The following RPS6KC1 variants were observed in gnomAD, a reference collection of about 807,000 sequenced individuals.
RPS6KC1 encodes ribosomal protein S6 kinase C1, also known as inactive ribosomal protein S6 kinase delta-1.
RPS6KC1 carries 54 observed loss-of-function variants against 103.8 expected under a neutral mutation model. The ratio of observed to expected loss-of-function variants is 0.52; its 90% CI spans 0.42 to 0.65. RPS6KC1 has a LOEUF of 0.65. Among genes scored for constraint, RPS6KC1 ranks in the 30% least tolerant of loss-of-function variants. RPS6KC1 has a pLI of 0.00. For missense variants in RPS6KC1, 1,151 were observed against 1,253.8 expected (o/e 0.92, Z 1.24); for synonymous variants, 439 against 438.7 (o/e 1.00, Z -0.01).
chr1:213,830,797 C>T, the RPS6KC1 span, among the ~76,000 whole-genome samples: 1 of 151,930 alleles, frequency 6.6e-6, no homozygotes, highest in Admixed American at 6.6e-5. Flanking sequence ...TTACTTTATA[C>T]ACAAAAATCC....
intron 6 of RPS6KC1, among the ~76,000 whole-genome samples, chr1:213,144,835 GGGAGGCTGAGGCA>G (rs1156667807): frequency 6.6e-6 from 1 of 151,950 alleles, no homozygotes; most frequent in African/African-American, 2.4e-5. Flanking sequence ...CCAGAATTTT[GGGAGGCTGAGGCA>G]GGCGGATCAC....
the RPS6KC1 span, among the ~76,000 whole-genome samples, chr1:213,465,808 T>G: frequency 2.0e-5 from 3 of 152,140 alleles, no homozygotes; most frequent in Non-Finnish European, 2.9e-5. Flanking sequence ...ATCTATTAAA[T>G]ATGTAAGTTT....
At chr1:213,749,572 C>A in the RPS6KC1 span, among the ~76,000 whole-genome samples, 75 of 152,242 alleles carry the variant, frequency 4.9e-4, no homozygotes, top group African/African-American at 1.4e-3. Flanking sequence ...AGGAACAAAT[C>A]CAACTTGTGT....
At chr1:213,052,984 C>T (rs2077069695) in intron 1 of RPS6KC1, among the ~76,000 whole-genome samples, 1 of 152,292 alleles carries the variant, frequency 6.6e-6, no homozygotes, top group Non-Finnish European at 1.5e-5. Context: ...AAGACCTGAC[C>T]TGCTATTGCC....
At chr1:213,536,377 A>T in the RPS6KC1 span, among the ~76,000 whole-genome samples, 1 of 152,196 alleles carries the variant, frequency 6.6e-6, no homozygotes, top group Admixed American at 6.5e-5. Flanking sequence ...TGTCCCTTCT[A>T]TTACGGAATT....
chr1:213,540,174 G>A, the RPS6KC1 span, among the ~76,000 whole-genome samples: 1 of 152,242 alleles, frequency 6.6e-6, no homozygotes, highest in Non-Finnish European at 1.5e-5. Flanking sequence ...GTGCAGTGGT[G>A]CAATCATAGC....
chr1:213,159,675 G>A (rs530825657), intron 6 of RPS6KC1, among the ~76,000 whole-genome samples: 2 of 152,156 alleles, frequency 1.3e-5, no homozygotes, highest in East Asian at 1.9e-4. Context: ...GTGGTTTCTC[G>A]TCTAAATATT....
intron 6 of RPS6KC1, among the ~76,000 whole-genome samples, chr1:213,152,739 G>T (rs2089347378): frequency 1.3e-5 from 2 of 151,340 alleles, no homozygotes; most frequent in South Asian, 4.2e-4. Flanking sequence ...GGGCGGAGAC[G>T]CTCCTCACTT....
intron 8 of RPS6KC1, among the ~76,000 whole-genome samples, chr1:213,198,950 A>G (rs756130294): frequency 1.3e-5 from 2 of 152,118 alleles, no homozygotes; most frequent in Non-Finnish European, 2.9e-5. Flanking sequence ...AGTTGAATCC[A>G]TGAACAGACC....
At chr1:213,323,525 A>C in the RPS6KC1 span, among the ~76,000 whole-genome samples, 2 of 152,232 alleles carry the variant, frequency 1.3e-5, no homozygotes, top group South Asian at 4.1e-4. Flanking sequence ...TGATCATTTC[A>C]ACTGATTTAG....
chr1:213,238,587 C>A (rs556459855), intron 10 of RPS6KC1, among the ~76,000 whole-genome samples: 2 of 152,176 alleles, frequency 1.3e-5, no homozygotes, highest in Admixed American at 1.3e-4. Context: ...AGGATCTAGT[C>A]GTAGTTATAG....
At chr1:213,783,482 C>A in the RPS6KC1 span, among the ~76,000 whole-genome samples, 9 of 152,126 alleles carry the variant, frequency 5.9e-5, no homozygotes, top group Admixed American at 3.9e-4. Context: ...TTGCCTCCCC[C>A]CCTCAGATCT....
chr1:213,071,043 TAA>T lies in RPS6KC1; in HGVS notation c.141+3_141+4del. 1 of 1,523,852 alleles carries T rather than the reference TAA, an allele frequency of 6.6e-7. No individual in the cohort carries two copies. The highest frequency in any genetic ancestry group is 8.9e-7 in the Non-Finnish European group (1 of 1,118,374). The allele number at this position is 1,523,852 out of a possible 1,614,324, so 94.4% of individuals were successfully genotyped here. ...AGAAATCCAGAGGATGTCCAGGAGG[TAA>T]CATTTATATGAAGATTTTATTTTAT... is the stretch of plus-strand genomic sequence containing the variant. On this transcript the variant is annotated splice_donor_region_variant and intron_variant, in intron 2 of 14. Coordinates refer to ENST00000366960, the MANE Select transcript of RPS6KC1 (RefSeq NM_012424.6).
At chr1:213,823,726 C>CCACACACACACACACACACACA in the RPS6KC1 span, among the ~76,000 whole-genome samples, 455 of 146,364 alleles carry the variant, frequency 3.1e-3, 5 homozygotes, top group East Asian at 0.033. Context: ...GCTATCACAG[C>CCACACACACACACACACACACA]CACACACACA....
intron 12 of RPS6KC1, 24 bp from the exon 13 acceptor site, chr1:213,261,534 A>G (rs887167841): frequency 1.7e-5 from 28 of 1,605,526 alleles, no homozygotes; most frequent in Non-Finnish European, 2.3e-5. Context: ...GAATTTTAAT[A>G]TCAACCTTTT....
the RPS6KC1 span, among the ~76,000 whole-genome samples, chr1:213,346,235 A>G: frequency 2.6e-5 from 4 of 152,194 alleles, no homozygotes; most frequent in Non-Finnish European, 5.9e-5. Context: ...ATAAGCTAAT[A>G]TACCATAGCT....
At chr1:213,563,624 CTT>C in the RPS6KC1 span, among the ~76,000 whole-genome samples, 1 of 152,046 alleles carries the variant, frequency 6.6e-6, no homozygotes, top group South Asian at 2.1e-4. Flanking sequence ...TAGAGGTAAA[CTT>C]AACATTATAT....
At chr1:213,859,692 G>T in the RPS6KC1 span, among the ~76,000 whole-genome samples, 1 of 152,142 alleles carries the variant, frequency 6.6e-6, no homozygotes. Context: ...CTTGAGATCT[G>T]CTTGTCCAGA....
intron 7 of RPS6KC1, among the ~76,000 whole-genome samples, chr1:213,170,302 T>C (rs1318603501): frequency 6.6e-6 from 1 of 152,210 alleles, no homozygotes. Context: ...CCATGAAGTA[T>C]ATCAGTCAGA....
Sources: gnomAD v4.1 joint callset for allele counts (sites outside exome capture counted in the v4.1 genomes callset) on GRCh38, gnomAD v4.1.1 for gene constraint, MANE v1.5 for transcripts, NCBI Gene and HGNC (gene_info 2026-07-23, HGNC 2026-07-21) for gene names.